The following NUDT3 variants were observed in gnomAD, a reference collection of about 807,000 sequenced individuals.
The protein encoded by NUDT3 is diphosphoinositol polyphosphate phosphohydrolase 1.
A neutral mutation model predicts 23.6 loss-of-function variants in NUDT3; 9 were observed. The observed-to-expected ratio is 0.38, with a 90% CI of 0.23 to 0.66. The LOEUF is 0.66. Among genes scored for constraint, NUDT3 ranks in the 30% least tolerant of loss-of-function variants. The pLI, the probability that NUDT3 is intolerant of heterozygous loss-of-function variation, is 0.52. For synonymous variants in NUDT3, 86 were observed against 82.6 expected (o/e 1.04, Z -0.22); for missense variants, 172 against 218.5 (o/e 0.79, Z 1.34).
chr6:34,308,119 CAAAAAAAAAAAAAAAAAAA>C (rs533055608), intron 2 of NUDT3, among the ~76,000 whole-genome samples: 29 of 60,118 alleles, frequency 4.8e-4, no homozygotes, highest in Admixed American at 9.3e-4. Context: ...AACTCTGTCT[CAAAAAAAAAAAAAAAAAAA>C]AAAAAAAAAA....
chr6:34,384,878 A>C (rs1358126204), intron 1 of NUDT3, among the ~76,000 whole-genome samples: 1 of 151,434 alleles, frequency 6.6e-6, no homozygotes, highest in Non-Finnish European at 1.5e-5. Flanking sequence ...CACACACACA[A>C]AATAGCTGGG....
At chr6:34,385,383 T>A (rs1561926026) in intron 1 of NUDT3, among the ~76,000 whole-genome samples, 2 of 152,166 alleles carry the variant, frequency 1.3e-5, no homozygotes, top group East Asian at 3.9e-4. Context: ...AGGTCGGGAG[T>A]TCGAGACCAT....
chr6:34,304,807 G>A (rs1041781586), intron 2 of NUDT3, among the ~76,000 whole-genome samples: 1 of 149,988 alleles, frequency 6.7e-6, no homozygotes, highest in African/African-American at 2.4e-5. Context: ...ACAACAGGGT[G>A]CACCATCATG....
chr6:34,342,346 G>A (rs1581877338), intron 1 of NUDT3, among the ~76,000 whole-genome samples: 1 of 145,948 alleles, frequency 6.9e-6, no homozygotes, highest in East Asian at 2.0e-4. Context: ...TGTCAGCACT[G>A]AAAAAGCTGG....
intron 1 of NUDT3, among the ~76,000 whole-genome samples, chr6:34,375,961 C>T (rs1009110860): frequency 9.2e-5 from 14 of 152,284 alleles, no homozygotes; most frequent in Non-Finnish European, 1.5e-4. Flanking sequence ...TCAGGCCCTA[C>T]GCTCAGTTTT....
In NUDT3 at chr6:34,297,718, TAAAAA is replaced by T. The variant is rs200099331; in HGVS notation, c.211-2038_211-2034del. ...TGCACATCACTACACCCGGCTAATG[TAAAAA>T]AAAAAAAATATATATATATATATAT... On this transcript the variant is annotated intron_variant, in intron 2 of 4. Transcript: ENST00000607016. Among the ~76,000 whole-genome samples the T allele has an allele frequency of 2.1e-3, 167 of 78,768 alleles. 3 individuals are homozygous for T. Among genetic ancestry groups the T allele is most frequent in the African/African-American group, 7.3e-3 (153 of 20,882 alleles). The allele number at this position is 78,768 out of a possible 152,430, so 51.7% of individuals were successfully genotyped here. A position where few individuals can be genotyped will look rare whatever the true frequency, so the allele number is the denominator to read the frequency against.
intron 2 of NUDT3, among the ~76,000 whole-genome samples, chr6:34,303,078 T>C (rs919309836): frequency 1.3e-5 from 2 of 152,094 alleles, no homozygotes; most frequent in Non-Finnish European, 2.9e-5. Context: ...TTTTTTCAGA[T>C]ATTTTGGCAG....
At chr6:34,329,730 C>T (rs1404751786) in intron 2 of NUDT3, among the ~76,000 whole-genome samples, 3 of 152,160 alleles carry the variant, frequency 2.0e-5, no homozygotes, top group East Asian at 3.9e-4. Context: ...TATACATGTG[C>T]CATGTTGGTG....
At chr6:34,389,752 A>C (rs149345242) in intron 1 of NUDT3, among the ~76,000 whole-genome samples, 1,970 of 152,276 alleles carry the variant, frequency 0.013, 31 homozygotes, top group African/African-American at 0.039. Context: ...TCATGAGGTC[A>C]GGAGATTGAG....
chr6:34,291,030 G>A (rs1018461948), intron 4 of NUDT3, among the ~76,000 whole-genome samples: 1 of 151,844 alleles, frequency 6.6e-6, no homozygotes, highest in African/African-American at 2.4e-5. Context: ...CGTTATCTTA[G>A]CTCACTGCAA....
At chr6:34,327,274 T>C (rs139160091) in intron 2 of NUDT3, among the ~76,000 whole-genome samples, 67 of 152,040 alleles carry the variant, frequency 4.4e-4, no homozygotes, top group African/African-American at 1.5e-3. Context: ...GGCTCACCTG[T>C]AATCCCAGCA....
intron 2 of NUDT3, among the ~76,000 whole-genome samples, chr6:34,340,418 T>G (rs925327707): frequency 6.6e-6 from 1 of 152,180 alleles, no homozygotes; most frequent in African/African-American, 2.4e-5. Context: ...CCTCCCTCCA[T>G]GATGGAGTAA....
Position 34,392,390 on chromosome 6 carries a change from C to A in NUDT3, c.-28G>T, listed in dbSNP as rs1338070061. ...TCCGGGCCCGGGTGGGGGTGCGGTG[C>A]GGGTCGCAGGAGTCGAGGGGTGGGG... On this transcript the variant is annotated 5_prime_UTR_variant, in exon 1 of 5. Transcript: ENST00000607016. 3.8e-6 allele frequency: 6 copies of A among 1,573,720 alleles called. No homozygotes were observed. The highest frequency in any genetic ancestry group is 1.7e-4 in the Middle Eastern group (1 of 5,946).
At chr6:34,323,250 G>A (rs1441303826) in intron 2 of NUDT3, among the ~76,000 whole-genome samples, 1 of 150,752 alleles carries the variant, frequency 6.6e-6, no homozygotes, top group Non-Finnish European at 1.5e-5. Context: ...TGGAAAGAAG[G>A]AAAGAGAGGG....
intron 1 of NUDT3, among the ~76,000 whole-genome samples, chr6:34,384,853 G>A (rs1315263542): frequency 6.6e-6 from 1 of 151,160 alleles, no homozygotes; most frequent in Non-Finnish European, 1.5e-5. Flanking sequence ...GTAACATAGT[G>A]AGACCCTGTC....
chr6:34,311,074 G>A (rs1378265585), intron 2 of NUDT3, among the ~76,000 whole-genome samples: 2 of 151,240 alleles, frequency 1.3e-5, no homozygotes, highest in Admixed American at 6.6e-5. Context: ...AAAAACTATC[G>A]CTAACATCAT....
chr6:34,373,400 TG>T (rs200902848), intron 1 of NUDT3, among the ~76,000 whole-genome samples: 1,196 of 115,288 alleles, frequency 0.01, 14 homozygotes, highest in African/African-American at 0.036. Context: ...TCATACGTTT[TG>T]GGGGGAAACT....
intron 2 of NUDT3, among the ~76,000 whole-genome samples, chr6:34,308,691 C>T (rs983798721): frequency 5.9e-5 from 9 of 152,056 alleles, no homozygotes; most frequent in Admixed American, 3.9e-4. Flanking sequence ...TGAAAGCTGT[C>T]AGGAATAGAG....
intron 1 of NUDT3, among the ~76,000 whole-genome samples, chr6:34,354,373 C>T (rs1297707069): frequency 1.4e-5 from 2 of 145,854 alleles, no homozygotes; most frequent in Non-Finnish European, 3.0e-5. Context: ...TCCAGCTGGG[C>T]AGTATAGTGA....
Sources: gnomAD v4.1 joint callset for allele counts (sites outside exome capture counted in the v4.1 genomes callset) on GRCh38, gnomAD v4.1.1 for gene constraint, MANE v1.5 for transcripts, NCBI Gene and HGNC (gene_info 2026-07-23, HGNC 2026-07-21) for gene names.